The following EEA1 variants were observed in gnomAD, a reference collection of about 807,000 sequenced individuals.
The protein encoded by EEA1 is early endosome antigen 1, also known as early endosome antigen 1, 162kD.
A neutral mutation model predicts 209.2 loss-of-function variants in EEA1; 111 were observed. The ratio of observed to expected loss-of-function variants is 0.53; its 90% CI spans 0.45 to 0.62. The LOEUF (loss-of-function observed/expected upper bound fraction) is 0.62, where lower values mean the gene tolerates loss of function less well. EEA1 is among the 20% of genes least tolerant of loss of function. The probability of loss-of-function intolerance (pLI) is 0.00; values close to 1 mark genes in which losing one functional copy is unlikely to be tolerated. For synonymous variants in EEA1, 536 were observed against 540.6 expected (o/e 0.99, Z 0.12); for missense variants, 1,343 against 1,530.8 (o/e 0.88, Z 2.05).
intron 18 of EEA1, among the ~76,000 whole-genome samples, chr12:92,804,571 CAAA>C (rs1195692496): frequency 2.1e-5 from 1 of 47,742 alleles, no homozygotes. Flanking sequence ...GACTCTGTCT[CAAA>C]AAAAAAAAAA....
intron 1 of EEA1, among the ~76,000 whole-genome samples, chr12:92,899,853 C>T (rs1297484680): frequency 6.6e-6 from 1 of 152,166 alleles, no homozygotes; most frequent in Non-Finnish European, 1.5e-5. Flanking sequence ...ACTGGAGGCA[C>T]AGCAGGATAT....
rs1470609719 is a variant in EEA1, at chr12:92,775,401, C to A, written c.*610G>T. The A allele has an allele frequency of 6.6e-6, 1 of 151,570 alleles. No homozygotes were observed. The highest frequency in any genetic ancestry group is 1.5e-5 in the Non-Finnish European group (1 of 67,726). 9.4% of individuals were successfully genotyped at this position (151,570 alleles called of 1,614,324 possible). A position where few individuals can be genotyped will look rare whatever the true frequency, so the allele number is the denominator to read the frequency against. Reference sequence around the variant, plus strand: ...TAATTAATATTGTTAAAACAAAAACCATTTTTGAATTCATATTACTACATA... The same window carrying A: ...TAATTAATATTGTTAAAACAAAAACAATTTTTGAATTCATATTACTACATA... On this transcript the variant is annotated 3_prime_UTR_variant, in exon 29 of 29. Coordinates refer to ENST00000322349, the MANE Select transcript of EEA1 (RefSeq NM_003566.4).
Position 92,816,324 on chromosome 12 carries a change from A to G in EEA1, c.1805T>C (p.Val602Ala). The G allele has an allele frequency of 6.2e-7, 1 of 1,613,948 alleles. No individual in the cohort carries two copies. Among genetic ancestry groups the G allele is most frequent in the Non-Finnish European group, 8.5e-7 (1 of 1,179,880 alleles). ...TCTAAGATGTGCCTTCTGCTCTTGTACCTGGTCATGCAAATTCTCCTGGGC... is the reference window on the plus strand; with the variant it reads ...TCTAAGATGTGCCTTCTGCTCTTGTGCCTGGTCATGCAAATTCTCCTGGGC... ...KQAQENLHDQ[V>A]QEQKAHLRAA... Residue 602 changes from valine (V) to alanine (A), a missense_variant, in exon 15 of 29, where the codon GTA (valine) becomes GCA (alanine). By Grantham distance (64) the Val-to-Ala change is moderately conservative. Transcript: ENST00000322349.
intron 18 of EEA1, among the ~76,000 whole-genome samples, chr12:92,807,311 A>G (rs1012789856): frequency 5.3e-5 from 8 of 152,136 alleles, no homozygotes; most frequent in African/African-American, 1.9e-4. Flanking sequence ...GATAAAGGGA[A>G]TCTCAGAAAA....
At chr12:92,783,297 T>G (rs377082079) in intron 22 of EEA1, among the ~76,000 whole-genome samples, 1 of 152,214 alleles carries the variant, frequency 6.6e-6, no homozygotes, top group Non-Finnish European at 1.5e-5. Context: ...ACAGTTGGTG[T>G]CTGCTTCTTG....
chr12:92,829,925 T>G (rs907430697), intron 11 of EEA1, among the ~76,000 whole-genome samples: 1 of 149,468 alleles, frequency 6.7e-6, no homozygotes, highest in Non-Finnish European at 1.5e-5. Context: ...ATGGTATAAG[T>G]AAAATATTAA....
intron 2 of EEA1, chr12:92,884,365 T>A: frequency 2.4e-6 from 3 of 1,255,166 alleles, no homozygotes; most frequent in Non-Finnish European, 3.5e-6. Flanking sequence ...GAAGTGGTTC[T>A]AGAAACTTTG....
chr12:92,871,179 T>G (rs1189064454), intron 2 of EEA1, among the ~76,000 whole-genome samples: 3 of 152,190 alleles, frequency 2.0e-5, no homozygotes, highest in Non-Finnish European at 4.4e-5. Context: ...TAACTTAAAT[T>G]TCTGTATTTA....
intron 2 of EEA1, among the ~76,000 whole-genome samples, chr12:92,871,902 A>G (rs1268401318): frequency 6.6e-6 from 1 of 152,174 alleles, no homozygotes; most frequent in Non-Finnish European, 1.5e-5. Flanking sequence ...TTTATTTATG[A>G]GACAGTTTCA....
At chr12:92,862,268 A>G (rs1241638222) in intron 3 of EEA1, among the ~76,000 whole-genome samples, 1 of 152,208 alleles carries the variant, frequency 6.6e-6, no homozygotes, top group Non-Finnish European at 1.5e-5. Flanking sequence ...AAAAATTACT[A>G]CTTAGAGCAA....
chr12:92,884,796 G>A (rs890825869), intron 2 of EEA1: 2 of 792,696 alleles, frequency 2.5e-6, no homozygotes, highest in Non-Finnish European at 4.2e-6. Context: ...CAAGCACAGT[G>A]GTGGCAGGGC....
intron 15 of EEA1, 143 bp downstream of exon 15, chr12:92,816,057 A>G: frequency 1.5e-6 from 1 of 688,892 alleles, no homozygotes; most frequent in Non-Finnish European, 2.3e-6. Context: ...AAGTTCAACA[A>G]ATTATCTAGA....
chr12:92,827,834 G>C, intron 12 of EEA1, 78 bp downstream of exon 12: 2 of 1,368,312 alleles, frequency 1.5e-6, no homozygotes, highest in Non-Finnish European at 1.9e-6. Flanking sequence ...TTAAAGCTTT[G>C]ACAATTAACA....
Position 92,827,982 on chromosome 12 carries a change from C to A in EEA1, c.1334G>T (p.Ser445Ile), listed in dbSNP as rs372291760. Residue 445 changes from serine to isoleucine, a missense_variant, in exon 12 of 29, where the codon AGT becomes ATT. Ser to Ile is a moderately radical substitution (Grantham distance 142, BLOSUM62 -2). Around this residue, in one of 3 missense-constraint regions of EEA1, gnomAD observed 1,307 missense variants for 1,465.5 expected, o/e 0.89. Coordinates refer to ENST00000322349, the MANE Select transcript of EEA1 (RefSeq NM_003566.4). ...TTGTTCTTTATCCATCAACTTTTCA[C>A]TTGAAAGCTGTCTCTGTTCCTTCAG... is the stretch of plus-strand genomic sequence containing the variant. ...GRLKEQRQLS[S>I]EKLMDKEQQV... 9 of 1,604,142 alleles carry A rather than the reference C, an allele frequency of 5.6e-6. No homozygotes were observed. In the Admixed American group the frequency reaches 8.6e-5, roughly 15 times the overall value.
At chr12:92,842,623 T>A (rs1236003209) in intron 9 of EEA1, 42 bp from the exon 10 acceptor site, 3 of 1,181,698 alleles carry the variant, frequency 2.5e-6, no homozygotes, top group East Asian at 2.5e-5. Context: ...CAAACTAAAT[T>A]GTCTAAAAGA....
chr12:92,876,793 G>T (rs1266695069), intron 2 of EEA1, among the ~76,000 whole-genome samples: 2 of 101,164 alleles, frequency 2.0e-5, no homozygotes, highest in Non-Finnish European at 4.1e-5. Context: ...ACTATGAGAA[G>T]AAATGAAGCT....
intron 1 of EEA1, among the ~76,000 whole-genome samples, chr12:92,905,290 G>A (rs1414597400): frequency 6.6e-6 from 1 of 152,040 alleles, no homozygotes; most frequent in Non-Finnish European, 1.5e-5. Flanking sequence ...AGTATTCCAA[G>A]TATTTACTTC....
At position 92,853,971 on chromosome 12, in the gene EEA1, G is replaced by T; in HGVS notation, c.367-17C>A. ...TTTGGCCTCCTCAATTAAAACAAAA[G>T]ACATAAACAAATGAATTAAAAGGAA... On this transcript the variant is annotated splice_polypyrimidine_tract_variant and intron_variant, in intron 5 of 28. Transcript: ENST00000322349. The T allele has an allele frequency of 1.9e-6, 3 of 1,555,176 alleles. No homozygotes were observed. The highest frequency in any genetic ancestry group is 2.6e-6 in the Non-Finnish European group (3 of 1,153,368).
chr12:92,844,098 AT>A (rs1336264710), intron 9 of EEA1, among the ~76,000 whole-genome samples: 5 of 152,126 alleles, frequency 3.3e-5, no homozygotes, highest in African/African-American at 1.2e-4. Context: ...GGCTTATTTT[AT>A]TTTAATAATT....
Sources: allele counts gnomAD v4.1 joint callset (sites outside exome capture counted in the v4.1 genomes callset), GRCh38; gene constraint gnomAD v4.1.1; regional missense constraint gnomAD v4.1.1; transcripts MANE v1.5; gene names NCBI Gene and HGNC (gene_info 2026-07-23, HGNC 2026-07-21).